TCP11L1: variants seen among roughly 807,000 people sequenced by gnomAD.
TCP11L1 encodes t-complex 11 like 1, also known as T-complex protein 11-like protein 1.
In TCP11L1, 28 loss-of-function variants were observed where a neutral mutation model predicts 48.9. The ratio of observed to expected loss-of-function variants is 0.57; its 90% CI spans 0.42 to 0.78. The LOEUF (loss-of-function observed/expected upper bound fraction) is 0.78, where lower values mean the gene tolerates loss of function less well. Ranked by LOEUF, TCP11L1 falls within the 30% of genes least tolerant of loss-of-function variation. The pLI, the probability that TCP11L1 is intolerant of heterozygous loss-of-function variation, is 0.00. For synonymous variants in TCP11L1, 204 were observed against 231.9 expected, an observed-to-expected ratio of 0.88 and a Z score of 1.09; for missense variants, 505 against 613.4, an observed-to-expected ratio of 0.82 and a Z score of 1.87.
chr11:33,042,793 C>T (rs775578995), intron 1 of TCP11L1, among the ~76,000 whole-genome samples: 1 of 152,064 alleles, frequency 6.6e-6, no homozygotes, highest in Non-Finnish European at 1.5e-5. Context: ...TTAGGCCAGG[C>T]GCAGTGGCTC....
At chr11:33,042,487 T>TA (rs1461180925) in intron 1 of TCP11L1, among the ~76,000 whole-genome samples, 1 of 151,636 alleles carries the variant, frequency 6.6e-6, no homozygotes, top group Non-Finnish European at 1.5e-5. Flanking sequence ...TGTCAAGTGT[T>TA]ATTGCTATTC....
chr11:33,046,271 G>A (rs548285830), intron 2 of TCP11L1, among the ~76,000 whole-genome samples: 25 of 152,378 alleles, frequency 1.6e-4, no homozygotes, highest in African/African-American at 5.3e-4. Flanking sequence ...ACAGTTGGTT[G>A]ATTGGTTTTA....
intron 2 of TCP11L1, among the ~76,000 whole-genome samples, chr11:33,044,349 G>A (rs1853926473): frequency 1.3e-5 from 2 of 152,132 alleles, no homozygotes; most frequent in Admixed American, 1.3e-4. Context: ...TCTGCCTGGG[G>A]GCTTAGTTCC....
rs764917871 is a variant in TCP11L1 at position 33,058,956 on chromosome 11, C to T, written c.639-3C>T. On this transcript the variant is annotated splice_region_variant and splice_polypyrimidine_tract_variant and intron_variant, in intron 5 of 9. Coordinates refer to ENST00000334274, the MANE Select transcript of TCP11L1 (RefSeq NM_018393.4). ...CTTGCTTCTAAATCCTTTTTTCTTTCAGAGAAATTTTTTCTGTGTTGGACC... is the reference window on the plus strand; with the variant it reads ...CTTGCTTCTAAATCCTTTTTTCTTTTAGAGAAATTTTTTCTGTGTTGGACC... The T allele has an allele frequency of 6.2e-7, 1 of 1,608,290 alleles. No homozygotes were observed. The highest frequency in any genetic ancestry group is 8.5e-7 in the Non-Finnish European group (1 of 1,178,438).
At chr11:33,045,822 C>T (rs4561187) in intron 2 of TCP11L1, among the ~76,000 whole-genome samples, 118,096 of 152,170 alleles carry the variant, frequency 0.78, 46,044 homozygotes, top group Middle Eastern at 0.85. Context: ...CTGCACTATT[C>T]ATTGGTGATG....
intron 4 of TCP11L1, among the ~76,000 whole-genome samples, chr11:33,057,703 T>G (rs900120907): frequency 1.9e-4 from 29 of 152,246 alleles, no homozygotes; most frequent in African/African-American, 6.3e-4. Flanking sequence ...TTTTCTTCTA[T>G]CCATTTAATT....
chr11:33,070,838 C>CA (rs947488740), intron 9 of TCP11L1, among the ~76,000 whole-genome samples: 2 of 151,498 alleles, frequency 1.3e-5, no homozygotes, highest in Admixed American at 1.3e-4. Flanking sequence ...CCCGTCTCTA[C>CA]AAAAAATACA....
intron 9 of TCP11L1, among the ~76,000 whole-genome samples, chr11:33,069,768 G>C (rs1232775816): frequency 2.6e-5 from 4 of 152,030 alleles, no homozygotes; most frequent in African/African-American, 9.7e-5. Context: ...ACCACACCCA[G>C]CTAATTTTTT....
At chr11:33,057,000 C>G (rs1249712204) in intron 3 of TCP11L1, 115 bp from the exon 4 acceptor site, 6 of 1,422,912 alleles carry the variant, frequency 4.2e-6, no homozygotes, top group Non-Finnish European at 5.7e-6. Flanking sequence ...TTTCCTTGGT[C>G]CAAATCACTG....
At chr11:33,069,115 G>A (rs1854703438) in intron 9 of TCP11L1, among the ~76,000 whole-genome samples, 2 of 152,116 alleles carry the variant, frequency 1.3e-5, no homozygotes, top group African/African-American at 4.8e-5. Flanking sequence ...GCTTGGGCGT[G>A]TAACTTGACA....
At chr11:33,047,541 C>T (rs1249238778) in intron 2 of TCP11L1, among the ~76,000 whole-genome samples, 2 of 152,206 alleles carry the variant, frequency 1.3e-5, no homozygotes, top group East Asian at 3.8e-4. Flanking sequence ...CCACTTAGGA[C>T]CTTTGTTTAT....
chr11:33,044,686 C>T (rs1016046962), intron 2 of TCP11L1, among the ~76,000 whole-genome samples: 3 of 152,184 alleles, frequency 2.0e-5, no homozygotes, highest in African/African-American at 7.2e-5. Flanking sequence ...ATGATCAAAG[C>T]CCTTCCCGGG....
intron 2 of TCP11L1, among the ~76,000 whole-genome samples, chr11:33,051,421 C>T (rs1307601020): frequency 3.3e-5 from 5 of 152,174 alleles, no homozygotes; most frequent in Admixed American, 1.3e-4. Flanking sequence ...CTCGCCTCAG[C>T]CTCCCAAAGT....
At chr11:33,043,236 G>A (rs201564486) in intron 1 of TCP11L1, among the ~76,000 whole-genome samples, 975 of 75,336 alleles carry the variant, frequency 0.013, 5 homozygotes, top group African/African-American at 0.035. Flanking sequence ...ACTCCATCTG[G>A]AAAAAAAAAA....
chr11:33,040,649 A>G (rs1252429504), intron 1 of TCP11L1: 2 of 152,196 alleles, frequency 1.3e-5, no homozygotes, highest in African/African-American at 4.8e-5. Flanking sequence ...TTAAAATAAA[A>G]ACTAGCACTT....
rs556723054 is a variant in TCP11L1, at chr11:33,052,705, T to G, written c.164-1888T>G. 5.3e-5 allele frequency among the ~76,000 whole-genome samples: 8 copies of G among 152,272 alleles called. No homozygotes were observed. The East Asian group carries it at 1.5e-3, about 29-fold the overall frequency. On this transcript the variant is annotated intron_variant, in intron 2 of 9. Coordinates refer to ENST00000334274, the MANE Select transcript of TCP11L1 (RefSeq NM_018393.4). The stretch of plus-strand genomic sequence containing the variant: ...CTGGAGACTTGTTAGAAATACAGAT[T>G]CTGGGCCGGCTGCTGTGGCTCACAC...
chr11:33,041,830 A>T (rs1468546739), intron 1 of TCP11L1, among the ~76,000 whole-genome samples: 1 of 152,158 alleles, frequency 6.6e-6, no homozygotes, highest in Non-Finnish European at 1.5e-5. Context: ...AGTTCTCTGA[A>T]ATTTCACATA....
intron 9 of TCP11L1, among the ~76,000 whole-genome samples, 186 bp downstream of exon 9, chr11:33,069,045 G>A (rs1379973443): frequency 1.3e-5 from 2 of 152,114 alleles, no homozygotes; most frequent in African/African-American, 4.8e-5. Flanking sequence ...AGCCATCATT[G>A]TTCTAAGGGC....
chr11:33,067,982 A>C (rs888951820), intron 8 of TCP11L1, among the ~76,000 whole-genome samples: 5 of 151,764 alleles, frequency 3.3e-5, no homozygotes, highest in Non-Finnish European at 5.9e-5. Context: ...GCTGGAGTGC[A>C]ATGACGTGAT....
Sources: gnomAD v4.1 joint callset for allele counts (sites outside exome capture counted in the v4.1 genomes callset) on GRCh38, gnomAD v4.1.1 for gene constraint, MANE v1.5 for transcripts, NCBI Gene and HGNC (gene_info 2026-07-23, HGNC 2026-07-21) for gene names.